NR1H3: variants seen among roughly 807,000 people sequenced by gnomAD.
NR1H3 encodes the protein oxysterols receptor LXR-alpha.
A neutral mutation model predicts 48.1 loss-of-function variants in NR1H3; 19 were observed. The observed-to-expected ratio is 0.40, with a 90% CI of 0.28 to 0.58. NR1H3 has a LOEUF of 0.58. NR1H3 is among the 20% of genes least tolerant of loss of function. The pLI, the probability that NR1H3 is intolerant of heterozygous loss-of-function variation, is 0.50. For synonymous variants in NR1H3, 232 were observed against 227.3 expected, an observed-to-expected ratio of 1.02 and a Z score of -0.19; for missense variants, 486 against 595.9, an observed-to-expected ratio of 0.82 and a Z score of 1.92.
upstream of NR1H3, chr11:47,248,894 C>T: frequency 6.5e-7 from 1 of 1,546,766 alleles, no homozygotes; most frequent in Non-Finnish European, 8.7e-7. Context: ...GTGCGTTCGC[C>T]GCCATCTTAC....
intron 7 of NR1H3, among the ~76,000 whole-genome samples, chr11:47,267,002 T>G (rs1297138810): frequency 6.6e-6 from 1 of 152,054 alleles, no homozygotes; most frequent in East Asian, 1.9e-4. Context: ...TGTGGAGCCC[T>G]CAAGAATTTT....
chr11:47,249,040 A>T (rs2135551190), intron 1 of NR1H3: 1 of 1,446,878 alleles, frequency 6.9e-7, no homozygotes, highest in South Asian at 1.4e-5. Flanking sequence ...CGAAGACCTC[A>T]TCTTGATTAA....
chr11:47,260,366 T>G (rs1396236736), intron 3 of NR1H3, 43 bp from the exon 4 acceptor site: 1 of 1,567,792 alleles, frequency 6.4e-7, no homozygotes. Flanking sequence ...GAACATGATG[T>G]TTTTCCTCGG....
chr11:47,255,220 G>C (rs1312648631), upstream of NR1H3, among the ~76,000 whole-genome samples: 1 of 152,212 alleles, frequency 6.6e-6, no homozygotes, highest in Non-Finnish European at 1.5e-5. Context: ...AAAGGGACTG[G>C]AGTGAGGACA....
chr11:47,261,385 A>C lies in NR1H3; in HGVS notation c.644A>C (p.Glu215Ala). The change falls in exon 5 of 10, where the codon GAG (glutamate) becomes GCG (alanine). Residue 215 changes from glutamate to alanine, a missense_variant. Coordinates refer to ENST00000441012, the MANE Select transcript of NR1H3 (RefSeq NM_005693.4). ...QLSPEQLGMIEKLVAAQQQCN... is the reference protein window; with the variant it reads ...QLSPEQLGMIAKLVAAQQQCN... The stretch of plus-strand genomic sequence containing the variant: ...AGCCCGGAACAACTGGGCATGATCG[A>C]GAAGCTCGTCGCTGCCCAGCAACAG... 6.2e-7 allele frequency: 1 copy of C among 1,614,018 alleles called. No individual in the cohort carries two copies. The highest frequency in any genetic ancestry group is 8.5e-7 in the Non-Finnish European group (1 of 1,179,992).
chr11:47,267,408 C>T (rs1401169944), intron 7 of NR1H3, among the ~76,000 whole-genome samples: 1 of 152,192 alleles, frequency 6.6e-6, no homozygotes, highest in Non-Finnish European at 1.5e-5. Flanking sequence ...TTGAACTATA[C>T]CAACAATTTT....
intron 7 of NR1H3, among the ~76,000 whole-genome samples, chr11:47,266,156 C>G (rs190191055): frequency 2.5e-4 from 38 of 152,210 alleles, no homozygotes; most frequent in African/African-American, 8.7e-4. Context: ...ATAAGTAAGG[C>G]CAATGCCAGT....
At chr11:47,259,723 C>G in intron 2 of NR1H3, 68 bp from the exon 3 acceptor site, 3 of 1,604,084 alleles carry the variant, frequency 1.9e-6, no homozygotes, top group Non-Finnish European at 1.7e-6. Context: ...AGTTTCCCAG[C>G]TAGGACGCTG....
chr11:47,252,748 G>GCGTGTGTGTGTGT (rs1565174853), intron 1 of NR1H3, among the ~76,000 whole-genome samples: 1 of 149,634 alleles, frequency 6.7e-6, no homozygotes, highest in Admixed American at 6.7e-5. Flanking sequence ...TAATTTTTTT[G>GCGTGTGTGTGTGT]GCTTTTTTTT....
chr11:47,268,815 C>A lies in NR1H3; in HGVS notation c.*119C>A. ...TTCCTGGGAGCTGGGCAAGGAGATCCTCCCGTGGCATTAAAAGAGAGTCAA... is the reference window on the plus strand; with the variant it reads ...TTCCTGGGAGCTGGGCAAGGAGATCATCCCGTGGCATTAAAAGAGAGTCAA... On this transcript the variant is annotated 3_prime_UTR_variant, in exon 10 of 10. Transcript: ENST00000441012. 7.7e-7 allele frequency: 1 copy of A among 1,301,960 alleles called. No homozygotes were observed. The highest frequency in any genetic ancestry group is 1.1e-6 in the Non-Finnish European group (1 of 947,470). 80.7% of individuals were successfully genotyped at this position (1,301,960 alleles called of 1,614,324 possible). A position where few individuals can be genotyped will look rare whatever the true frequency, so the allele number is the denominator to read the frequency against.
At position 47,268,988 on chromosome 11, in the gene NR1H3, C is replaced by T; in HGVS notation, c.*292C>T. 5.2e-6 allele frequency: 2 copies of T among 387,270 alleles called. No homozygotes were observed. Among genetic ancestry groups the T allele is most frequent in the Admixed American group, 4.2e-5 (1 of 23,562 alleles). The allele number at this position is 387,270 out of a possible 1,614,324, so 24.0% of individuals were successfully genotyped here. A position where few individuals can be genotyped will look rare whatever the true frequency, so the allele number is the denominator to read the frequency against. ...AGCCCTGCCCATCCTGCCTCCACCA[C>T]TTCCTGTTTTTCCCACAGGGCCCCA... On this transcript the variant is annotated 3_prime_UTR_variant, in exon 10 of 10. Transcript: ENST00000441012.
rs1255903000 is a variant in NR1H3 at position 47,261,637 on chromosome 11, G to T, written c.799G>T (p.Glu267Ter). The change falls in exon 6 of 10, where the codon GAG becomes TAG. Residue 267 changes from glutamate to a stop codon, truncating the protein, a stop_gained. Transcript: ENST00000441012. LOFTEE classifies it high-confidence loss of function. ...TGAGCTGGCCATCGTCTCTGTGCAGGAGATAGTTGACTTTGCTAAACAGCT... is the reference window on the plus strand; with the variant it reads ...TGAGCTGGCCATCGTCTCTGTGCAGTAGATAGTTGACTTTGCTAAACAGCT... ...FTELAIVSVQ[E>*]IVDFAKQLPG... is the part of the protein sequence containing the mutation. 1.2e-6 allele frequency: 2 copies of T among 1,614,126 alleles called. No individual in the cohort carries two copies. The highest frequency in any genetic ancestry group is 1.7e-5 in the Admixed American group (1 of 60,014).
At chr11:47,259,718 C>T in intron 2 of NR1H3, 73 bp from the exon 3 acceptor site, 1 of 1,601,044 alleles carries the variant, frequency 6.2e-7, no homozygotes, top group Non-Finnish European at 8.5e-7. Flanking sequence ...TTTGCAGTTT[C>T]CCAGCTAGGA....
intron 7 of NR1H3, among the ~76,000 whole-genome samples, chr11:47,264,107 C>G (rs1354103710): frequency 6.6e-6 from 1 of 152,204 alleles, no homozygotes; most frequent in Non-Finnish European, 1.5e-5. Flanking sequence ...TCATATTCAA[C>G]TATTGATAAT....
chr11:47,261,104 C>T (rs900232534), intron 4 of NR1H3, 137 bp from the exon 5 acceptor site: 6 of 662,122 alleles, frequency 9.1e-6, no homozygotes, highest in Non-Finnish European at 1.6e-5. Flanking sequence ...ATCTTCTTGC[C>T]TTTACCCAGT....
rs770856544 is a variant in NR1H3, at chr11:47,268,026, G to C, written c.1102G>C (p.Asp368His). The change falls in exon 8 of 10, where the codon GAC becomes CAC. Residue 368 changes from aspartate to histidine, a missense_variant and splice_region_variant. By Grantham distance (81) the Asp-to-His change is moderately conservative (BLOSUM62 -1). Transcript: ENST00000441012. Reference protein sequence around the residue: ...LLIAISIFSADRPNVQDQLQV... With the variant: ...LLIAISIFSAHRPNVQDQLQV... ...CATTGCTATCAGCATCTTCTCTGCAGGTGTGGAGGAGGGGCAATGGGAAAC... is the reference window on the plus strand; with the variant it reads ...CATTGCTATCAGCATCTTCTCTGCACGTGTGGAGGAGGGGCAATGGGAAAC... 1 of 1,609,992 alleles carries C rather than the reference G, an allele frequency of 6.2e-7. No homozygotes were observed. The highest frequency in any genetic ancestry group is 8.5e-7 in the Non-Finnish European group (1 of 1,176,538).
At chr11:47,262,711 A>C (rs1329208267) in intron 7 of NR1H3, among the ~76,000 whole-genome samples, 1 of 151,704 alleles carries the variant, frequency 6.6e-6, no homozygotes, top group Non-Finnish European at 1.5e-5. Context: ...GGGTTTTACC[A>C]TGTTGACCAG....
intron 1 of NR1H3, among the ~76,000 whole-genome samples, chr11:47,249,803 T>A (rs1954472584): frequency 6.6e-6 from 1 of 152,078 alleles, no homozygotes; most frequent in African/African-American, 2.4e-5. Context: ...ACAAAACTGA[T>A]CAGGCTTGGC....
In NR1H3 at chr11:47,268,033, A is replaced by G. The variant is rs1490809163; in HGVS notation, c.1102+7A>G. On this transcript the variant is annotated splice_region_variant and intron_variant, in intron 8 of 9. Transcript: ENST00000441012. ...ATCAGCATCTTCTCTGCAGGTGTGG[A>G]GGAGGGGCAATGGGAAACAGCAAGA... 2 of 1,559,600 alleles carry G rather than the reference A, an allele frequency of 1.3e-6. No individual in the cohort carries two copies. Among genetic ancestry groups the G allele is most frequent in the Admixed American group, 1.7e-5 (1 of 58,180 alleles).
Sources: allele counts gnomAD v4.1 joint callset (sites outside exome capture counted in the v4.1 genomes callset), GRCh38; gene constraint gnomAD v4.1.1; transcripts MANE v1.5; gene names NCBI Gene and HGNC (gene_info 2026-07-23, HGNC 2026-07-21).